Variants in SVEP1 observed in about 807,000 individuals in gnomAD.
The protein encoded by SVEP1 is sushi, von Willebrand factor type A, EGF and pentraxin domain-containing protein 1.
SVEP1 carries 164 observed loss-of-function variants against 367.3 expected under a neutral mutation model. The ratio of observed to expected loss-of-function variants is 0.45; its 90% CI spans 0.39 to 0.51. The LOEUF is 0.51. SVEP1 is among the 20% of genes least tolerant of loss of function. The pLI, the probability that SVEP1 is intolerant of heterozygous loss-of-function variation, is 0.00. For synonymous variants in SVEP1, 1,666 were observed against 1,611.6 expected, an observed-to-expected ratio of 1.03 and a Z score of -0.81; for missense variants, 4,117 against 4,425.3, an observed-to-expected ratio of 0.93 and a Z score of 1.98.
intron 47 of SVEP1, among the ~76,000 whole-genome samples, chr9:110,368,460 T>C (rs988721286): frequency 3.3e-5 from 5 of 152,166 alleles, no homozygotes; most frequent in Non-Finnish European, 7.4e-5. Context: ...TATCAAACTT[T>C]TGCGTAAAAA....
rs1490419440 is a variant in SVEP1, at chr9:110,408,551, T to G, written c.7049A>C (p.Lys2350Thr). 1 of 1,613,730 alleles carries G rather than the reference T, an allele frequency of 6.2e-7. No individual in the cohort carries two copies. The highest frequency in any genetic ancestry group is 1.3e-5 in the African/African-American group (1 of 74,888). ...GGGGCCTTGCAGGACATGCCCTTCT[T>G]TACAGGAAAATGTCACAACTCCTAC... is the stretch of plus-strand genomic sequence containing the variant. ...TEVGVVTFSC[K>T]EGHVLQGPSV... Residue 2350 changes from lysine to threonine, a missense_variant, in exon 38 of 48, where the codon AAA becomes ACA. By Grantham distance (78) the Lys-to-Thr change is moderately conservative. Transcript: ENST00000374469.
intron 8 of SVEP1, among the ~76,000 whole-genome samples, chr9:110,490,760 A>C (rs1829354890): frequency 6.6e-6 from 1 of 152,058 alleles, no homozygotes; most frequent in Admixed American, 6.6e-5. Flanking sequence ...AATATCATCA[A>C]TTTTTGGTAA....
intron 1 of SVEP1, among the ~76,000 whole-genome samples, chr9:110,561,321 C>T (rs761607851): frequency 1.1e-4 from 17 of 152,142 alleles, no homozygotes; most frequent in Non-Finnish European, 2.1e-4. Flanking sequence ...AAAATCAGTA[C>T]CCCCACTCAC....
intron 22 of SVEP1, among the ~76,000 whole-genome samples, chr9:110,453,699 C>T (rs979955962): frequency 6.6e-6 from 1 of 152,082 alleles, no homozygotes; most frequent in Admixed American, 6.5e-5. Flanking sequence ...GAAACCCCAT[C>T]TCTACTAAAA....
chr9:110,503,630 C>G (rs1284557642), intron 5 of SVEP1, among the ~76,000 whole-genome samples: 1 of 152,156 alleles, frequency 6.6e-6, no homozygotes, highest in Non-Finnish European at 1.5e-5. Flanking sequence ...GGTTCATGAT[C>G]GACTTGGTTC....
Position 110,455,604 on chromosome 9 carries a change from G to A in SVEP1, c.3773C>T (p.Pro1258Leu), listed in dbSNP as rs77703943. ...DLVGEFICEC[P>L]SGYTGQRCEE... is the part of the protein sequence containing the mutation. ...CTTCCCCTTACCTGTGTAACCTGAT[G>A]GGCACTCACAAATGAATTCCCCAAC... The change falls in exon 22 of 48, where the codon CCA becomes CTA. Residue 1258 changes from proline (P) to leucine (L), a missense_variant. By Grantham distance (98) the Pro-to-Leu change is moderately conservative (BLOSUM62 -3). This residue lies in a region of SVEP1 where 2,174 missense variants were observed against 2,494.3 expected (regional missense o/e 0.87). Coordinates refer to ENST00000374469, the MANE Select transcript of SVEP1 (RefSeq NM_153366.4). The A allele has an allele frequency of 1.8e-4, 283 of 1,613,062 alleles. 3 individuals are homozygous for A. The African/African-American group carries it at 3.2e-3, about 18-fold the overall frequency.
In SVEP1 at chr9:110,465,919, G is replaced by C. The variant is rs1588067141; in HGVS notation, c.3268C>G (p.Pro1090Ala). ...KFGSRSCLSC[P>A]ENTSTVKRGA... is the part of the protein sequence containing the mutation. ...CTTTTCACAGTTGAGGTGTTTTCTG[G>C]ACACGAGAGGCAGCTCCGGGAACCA... Residue 1090 changes from proline to alanine, a missense_variant, in exon 18 of 48, where the codon CCA (proline) becomes GCA (alanine). Pro to Ala is a conservative substitution (Grantham distance 27). Coordinates refer to ENST00000374469, the MANE Select transcript of SVEP1 (RefSeq NM_153366.4). 2.5e-6 allele frequency: 4 copies of C among 1,612,956 alleles called. No individual in the cohort carries two copies. The Middle Eastern group carries it at 4.9e-4, about 200-fold the overall frequency.
intron 24 of SVEP1, among the ~76,000 whole-genome samples, chr9:110,449,452 A>G (rs985101420): frequency 9.9e-5 from 15 of 152,188 alleles, no homozygotes; most frequent in Non-Finnish European, 1.9e-4. Flanking sequence ...TAGCTAAAGC[A>G]CATGTGGCTC....
rs566978289 is a variant in SVEP1, at chr9:110,463,596, A to G, written c.3322+2269T>C. ...AAATAAAGAAAAAGGAAGGAAAGAA[A>G]GAAAGGAAGAAAAAGGAAGGAAAGA... On this transcript the variant is annotated intron_variant, in intron 18 of 47. Coordinates refer to ENST00000374469, the MANE Select transcript of SVEP1 (RefSeq NM_153366.4). 1.6e-3 allele frequency among the ~76,000 whole-genome samples: 248 copies of G among 151,472 alleles called. 2 individuals carry two copies. Among genetic ancestry groups the G allele is most frequent in the African/African-American group, 5.7e-3 (237 of 41,460 alleles).
chr9:110,389,416 T>C lies in SVEP1; in HGVS notation c.9886+108A>G, dbSNP rs1019048031. On this transcript the variant is annotated intron_variant, in intron 41 of 47. Coordinates refer to ENST00000374469, the MANE Select transcript of SVEP1 (RefSeq NM_153366.4). ...AAAGGTTCTCATATGGCTTATGGAG[T>C]TGGCTTACATTTTAATTACAAAACT... is the stretch of plus-strand genomic sequence containing the variant. 9 of 1,343,264 alleles carry C rather than the reference T, an allele frequency of 6.7e-6. No individual in the cohort carries two copies. The African/African-American group carries it at 1.2e-4, about 17-fold the overall frequency. 83.2% of individuals were successfully genotyped at this position (1,343,264 alleles called of 1,614,324 possible).
intron 26 of SVEP1, among the ~76,000 whole-genome samples, chr9:110,444,693 T>C (rs1411045006): frequency 2.0e-5 from 3 of 152,228 alleles, no homozygotes; most frequent in Non-Finnish European, 2.9e-5. Context: ...ATAATGAAGA[T>C]AAAAATTCAT....
chr9:110,471,719 A>T (rs1164584774), intron 15 of SVEP1, 122 bp from the exon 16 acceptor site: 5 of 697,366 alleles, frequency 7.2e-6, no homozygotes, highest in Non-Finnish European at 1.2e-5. Flanking sequence ...TGGTCTATAG[A>T]AAAAAAATAA....
chr9:110,430,780 T>C (rs1407898326), intron 32 of SVEP1, among the ~76,000 whole-genome samples: 2 of 152,186 alleles, frequency 1.3e-5, no homozygotes, highest in African/African-American at 4.8e-5. Context: ...ATCTGTTCCC[T>C]CTTCATACCC....
chr9:110,385,300 T>C (rs542605686), intron 43 of SVEP1, among the ~76,000 whole-genome samples: 7 of 152,316 alleles, frequency 4.6e-5, no homozygotes, highest in African/African-American at 1.7e-4. Flanking sequence ...ATGTTTTAAA[T>C]GGAGTTAAAA....
At chr9:110,382,378 C>G (rs1455817600) in intron 43 of SVEP1, among the ~76,000 whole-genome samples, 2 of 151,260 alleles carry the variant, frequency 1.3e-5, no homozygotes, top group Non-Finnish European at 3.0e-5. Flanking sequence ...CTTGGAAATT[C>G]TTTGAATATT....
intron 27 of SVEP1, 47 bp from the exon 28 acceptor site, chr9:110,436,551 G>C (rs1481247105): frequency 6.3e-7 from 1 of 1,583,368 alleles, no homozygotes; most frequent in Non-Finnish European, 8.6e-7. Context: ...TGGCCTGATG[G>C]TCTGTTATTC....
At chr9:110,575,244 T>C (rs1830613408) in intron 1 of SVEP1, among the ~76,000 whole-genome samples, 1 of 152,032 alleles carries the variant, frequency 6.6e-6, no homozygotes, top group Non-Finnish European at 1.5e-5. Flanking sequence ...GATGTAGTAG[T>C]TGGAAGGGGA....
rs375519039 is a variant in SVEP1, at chr9:110,469,066, G to A, written c.3034C>T (p.His1012Tyr). ...ATCCGGCAGCTTTCACAGGTGAAAT[G>A]TTCCAGATTATAATAGGTTCCCAAA... is the stretch of plus-strand genomic sequence containing the variant. ...CPLGTYYNLE[H>Y]FTCESCRIGS... The change falls in exon 17 of 48, where the codon CAT becomes TAT. Residue 1012 changes from histidine (H) to tyrosine (Y), a missense_variant. By Grantham distance (83) the His-to-Tyr change is moderately conservative. This residue lies in a region of SVEP1 where 2,174 missense variants were observed against 2,494.3 expected (regional missense o/e 0.87). Transcript: ENST00000374469. 3.7e-6 allele frequency: 6 copies of A among 1,613,564 alleles called. No homozygotes were observed. The highest frequency in any genetic ancestry group is 4.2e-6 in the Non-Finnish European group (5 of 1,179,790).
chr9:110,407,658 G>T lies in SVEP1; in HGVS notation c.7942C>A (p.Pro2648Thr), dbSNP rs1448820544. ...DDMMEVPYVT[P>T]HPPYHLGAVA... ...GCTCCCAAATGATAAGGAGGGTGAG[G>T]AGTCACATATGGAACTTCCATCATG... The change falls in exon 38 of 48, where the codon CCT (proline) becomes ACT (threonine). Residue 2648 changes from proline to threonine, a missense_variant. Pro to Thr is a conservative substitution (Grantham distance 38). Around this residue, in one of 4 missense-constraint regions of SVEP1, gnomAD observed 1,765 missense variants for 1,781.1 expected, o/e 0.99. Transcript: ENST00000374469. The T allele has an allele frequency of 1.2e-6, 2 of 1,613,868 alleles. No individual in the cohort carries two copies. Among genetic ancestry groups the T allele is most frequent in the South Asian group, 1.1e-5 (1 of 91,090 alleles).
Sources: gnomAD v4.1 joint callset for allele counts (sites outside exome capture counted in the v4.1 genomes callset) on GRCh38, gnomAD v4.1.1 for gene constraint, gnomAD v4.1.1 regional missense constraint, MANE v1.5 for transcripts, NCBI Gene and HGNC (gene_info 2026-07-23, HGNC 2026-07-21) for gene names.